Variants in LRP1B observed in about 807,000 individuals in gnomAD.
LRP1B encodes LDL receptor related protein 1B.
A neutral mutation model predicts 556.6 loss-of-function variants in LRP1B; 217 were observed. That is an observed-to-expected ratio of 0.39 (90% confidence interval 0.35 to 0.44). LRP1B has a LOEUF of 0.44. Ranked by LOEUF, LRP1B falls within the 20% of genes least tolerant of loss-of-function variation. The probability of loss-of-function intolerance (pLI) is 1.00; values close to 1 mark genes in which losing one functional copy is unlikely to be tolerated. For synonymous variants in LRP1B, 2,047 were observed against 1,865.8 expected (o/e 1.10, Z -2.50); for missense variants, 5,053 against 5,620.8 (o/e 0.90, Z 3.23).
In LRP1B at chr2:140,903,221, T is replaced by C. The variant is rs545702642; in HGVS notation, c.3521-56A>G. The C allele has an allele frequency of 1.2e-5, 19 of 1,565,848 alleles. No individual in the cohort carries two copies. In the African/African-American group the frequency reaches 2.4e-4, roughly 20 times the overall value. Reference sequence around the variant, plus strand: ...TTATCAATTGCTTTCCTCAGTTAAATACTAATCATTGAACTCAATTCTCTA... The same window carrying C: ...TTATCAATTGCTTTCCTCAGTTAAACACTAATCATTGAACTCAATTCTCTA... On this transcript the variant is annotated intron_variant, in intron 22 of 90. Transcript: ENST00000389484.
Position 140,245,560 on chromosome 2 carries a change from A to G in LRP1B, c.13324+1526T>C, listed in dbSNP as rs187682645. Among the ~76,000 whole-genome samples the G allele has an allele frequency of 3.0e-4, 46 of 151,506 alleles. No homozygotes were observed. The East Asian group carries it at 7.2e-3, about 24-fold the overall frequency. On this transcript the variant is annotated intron_variant, in intron 87 of 90. Transcript: ENST00000389484. ...TTTTTAATTCCTAATTTATAAATGG[A>G]GCATGTTCTACAGCTTGATAACTTC... is the stretch of plus-strand genomic sequence containing the variant.
rs1688527255 is a variant in LRP1B at position 140,487,729 on chromosome 2, T to C, written c.9131A>G (p.Asn3044Ser). The C allele has an allele frequency of 1.3e-6, 2 of 1,538,110 alleles. No individual in the cohort carries two copies. The highest frequency in any genetic ancestry group is 1.9e-5 in the Admixed American group (1 of 52,996). Residue 3044 changes from asparagine (N) to serine (S), a missense_variant, in exon 58 of 91, where the codon AAT becomes AGT. Physicochemically the swap from Asn to Ser is conservative, Grantham distance 46. This residue lies in a region of LRP1B where 3,619 missense variants were observed against 3,931.9 expected (regional missense o/e 0.92). Coordinates refer to ENST00000389484, the MANE Select transcript of LRP1B (RefSeq NM_018557.3). ...NYTLLKQGLN[N>S]VIAIDFDYRE... The stretch of plus-strand genomic sequence containing the variant: ...GTAATCAAAGTCTATAGCAATAACA[T>C]TGTTTAATCCCTGAAAATAAAAAAG...
At chr2:140,952,381 C>T (rs1046940398) in intron 18 of LRP1B, among the ~76,000 whole-genome samples, 2 of 151,618 alleles carry the variant, frequency 1.3e-5, no homozygotes, top group Admixed American at 6.6e-5. Flanking sequence ...TCTCACTCTG[C>T]GTCTGAAAGA....
At chr2:140,292,731 G>C (rs1374127610) in intron 84 of LRP1B, among the ~76,000 whole-genome samples, 1 of 152,112 alleles carries the variant, frequency 6.6e-6, no homozygotes, top group Non-Finnish European at 1.5e-5. Context: ...AAATGTTTCT[G>C]ACCTCACTAT....
intron 3 of LRP1B, among the ~76,000 whole-genome samples, chr2:141,274,100 T>TA (rs1030415774): frequency 2.0e-5 from 3 of 152,224 alleles, no homozygotes; most frequent in African/African-American, 7.2e-5. Context: ...GGAATCCTCC[T>TA]ACACTCTTGA....
chr2:141,600,436 T>G (rs1222372950), intron 2 of LRP1B, among the ~76,000 whole-genome samples: 2 of 152,172 alleles, frequency 1.3e-5, no homozygotes, highest in South Asian at 4.1e-4. Flanking sequence ...GATTGGGTCC[T>G]AGAGTAATGG....
In LRP1B at chr2:141,482,021, C is replaced by T. The variant is rs546613486; in HGVS notation, c.206-1488G>A. Among the ~76,000 whole-genome samples the T allele has an allele frequency of 1.7e-3, 265 of 152,070 alleles. 2 individuals carry two copies. Among genetic ancestry groups the T allele is most frequent in the South Asian group, 8.1e-3 (39 of 4,818 alleles). ...CTCAAAAATTTCATGTTTTACCTTC[C>T]CTACTTAGTTGAGGTAAAATAATAA... On this transcript the variant is annotated intron_variant, in intron 2 of 90. Transcript: ENST00000389484.
At chr2:140,857,386 C>T (rs983583905) in intron 27 of LRP1B, among the ~76,000 whole-genome samples, 2 of 151,948 alleles carry the variant, frequency 1.3e-5, no homozygotes, top group African/African-American at 2.4e-5. Flanking sequence ...AGTAATTTTC[C>T]TTTAGGAAAG....
In LRP1B at chr2:141,924,911, CT is replaced by C. The variant is rs910380407; in HGVS notation, c.83-114511del. The stretch of plus-strand genomic sequence containing the variant: ...ACTTTGAAATGAGATTGATTTTTCT[CT>C]TTTTTTTCCTCAGAGAATGGAAGGT... On this transcript the variant is annotated intron_variant, in intron 1 of 90. Transcript: ENST00000389484. 2.6e-3 allele frequency among the ~76,000 whole-genome samples: 395 copies of C among 152,060 alleles called. 1 individual carries two copies. The highest frequency in any genetic ancestry group is 9.0e-3 in the African/African-American group (374 of 41,492).
chr2:141,654,574 T>C (rs1689932545), intron 2 of LRP1B, among the ~76,000 whole-genome samples: 2 of 152,012 alleles, frequency 1.3e-5, no homozygotes, highest in Non-Finnish European at 1.5e-5. Flanking sequence ...TGCTTGCTTC[T>C]TCCTTCTCAC....
chr2:141,133,862 C>A (rs1318609832), intron 7 of LRP1B, among the ~76,000 whole-genome samples: 1 of 151,958 alleles, frequency 6.6e-6, no homozygotes, highest in Non-Finnish European at 1.5e-5. Context: ...GTCCAGCTAT[C>A]TCTCCGAAGG....
intron 17 of LRP1B, among the ~76,000 whole-genome samples, chr2:140,988,842 A>C (rs1525607): frequency 0.43 from 64,439 of 151,606 alleles, 14,517 homozygotes; most frequent in East Asian, 0.6. Context: ...TCATCAAATG[A>C]ACTATTTTTT....
chr2:141,365,458 T>C (rs921731240), intron 3 of LRP1B, among the ~76,000 whole-genome samples: 1 of 149,320 alleles, frequency 6.7e-6, no homozygotes, highest in African/African-American at 2.5e-5. Flanking sequence ...TCTAATAATA[T>C]ATTCTAAAGG....
intron 1 of LRP1B, among the ~76,000 whole-genome samples, chr2:141,815,514 GTAAAATGCACCAATCAGCACTCTA>G (rs1238346329): frequency 6.6e-6 from 1 of 152,016 alleles, no homozygotes; most frequent in Admixed American, 6.6e-5. Context: ...GCAAGGGATT[GTAAAATGCACCAATCAGCACTCTA>G]TAAAATGCAC....
intron 47 of LRP1B, among the ~76,000 whole-genome samples, chr2:140,531,808 C>A (rs9287534): frequency 6.6e-6 from 1 of 152,086 alleles, no homozygotes; most frequent in Admixed American, 6.6e-5. Flanking sequence ...TGACGGATAC[C>A]TCCAGTTCAT....
At chr2:141,338,080 T>C (rs1317655065) in intron 3 of LRP1B, among the ~76,000 whole-genome samples, 7 of 152,170 alleles carry the variant, frequency 4.6e-5, no homozygotes, top group Admixed American at 3.3e-4. Flanking sequence ...GTGGTTGTAA[T>C]GTCACTTTGA....
chr2:140,495,963 T>A (rs1186577912), intron 55 of LRP1B, among the ~76,000 whole-genome samples: 1 of 152,196 alleles, frequency 6.6e-6, no homozygotes, highest in Non-Finnish European at 1.5e-5. Context: ...TCTTTTGAAG[T>A]TGGCAAGATT....
At chr2:140,812,706 TA>T (rs1690971293) in intron 32 of LRP1B, among the ~76,000 whole-genome samples, 1 of 151,956 alleles carries the variant, frequency 6.6e-6, no homozygotes. Flanking sequence ...TAAATAAAGG[TA>T]AAAATGTATT....
At chr2:140,459,892 A>G (rs1687248070) in intron 60 of LRP1B, among the ~76,000 whole-genome samples, 1 of 152,114 alleles carries the variant, frequency 6.6e-6, no homozygotes, top group Admixed American at 6.5e-5. Flanking sequence ...TCCTGCTGCC[A>G]TGTGAAGACA....
Sources: allele counts gnomAD v4.1 joint callset (sites outside exome capture counted in the v4.1 genomes callset), GRCh38; gene constraint gnomAD v4.1.1; regional missense constraint gnomAD v4.1.1; transcripts MANE v1.5; gene names NCBI Gene and HGNC (gene_info 2026-07-23, HGNC 2026-07-21).